PRKDC: variants seen among roughly 807,000 people sequenced by gnomAD.
PRKDC encodes the protein DNA-dependent protein kinase catalytic subunit.
A neutral mutation model predicts 486.9 loss-of-function variants in PRKDC; 82 were observed. That is an observed-to-expected ratio of 0.17 (90% CI 0.14 to 0.20). The LOEUF (loss-of-function observed/expected upper bound fraction) is 0.20, where lower values mean the gene tolerates loss of function less well. PRKDC is among the 10% of genes least tolerant of loss of function. The pLI, the probability that PRKDC is intolerant of heterozygous loss-of-function variation, is 1.00. For synonymous variants in PRKDC, 1,895 were observed against 1,837.0 expected (o/e 1.03, Z -0.81); for missense variants, 4,504 against 5,038.2 (o/e 0.89, Z 3.21).
intron 36 of PRKDC, among the ~76,000 whole-genome samples, chr8:47,882,452 A>C (rs927678241): frequency 1.3e-5 from 2 of 152,062 alleles, no homozygotes; most frequent in Non-Finnish European, 2.9e-5. Context: ...AAATATGCAC[A>C]TATGCACAAA....
chr8:47,946,286 G>A (rs1056680230), intron 7 of PRKDC, among the ~76,000 whole-genome samples: 2 of 151,964 alleles, frequency 1.3e-5, no homozygotes, highest in Non-Finnish European at 2.9e-5. Context: ...AGCCAAGATC[G>A]TGCCACTGCA....
At chr8:47,826,577 G>A in intron 63 of PRKDC, 79 bp downstream of exon 63, 2 of 1,361,342 alleles carry the variant, frequency 1.5e-6, no homozygotes, top group Non-Finnish European at 2.0e-6. Flanking sequence ...CTCATTTTCT[G>A]CCAAATGAAG....
At chr8:47,779,136 G>A in intron 80 of PRKDC, 43 bp from the exon 81 acceptor site, 1 of 1,402,888 alleles carries the variant, frequency 7.1e-7, no homozygotes, top group Non-Finnish European at 9.8e-7. Context: ...GAAGATTTTA[G>A]CATTATGTGA....
At chr8:47,835,620 C>CAAAAAAAAA (rs71548446) in intron 58 of PRKDC, among the ~76,000 whole-genome samples, 2 of 20,476 alleles carry the variant, frequency 9.8e-5, no homozygotes, top group African/African-American at 1.7e-4. Context: ...GACTCTGTCT[C>CAAAAAAAAA]AAAAAAAAAA....
rs759269272 is a variant in PRKDC, at chr8:47,897,276, T to C, written c.3483A>G (p.Ala1161=). The C allele has an allele frequency of 6.9e-6, 11 of 1,596,468 alleles. No individual in the cohort carries two copies. The South Asian group carries it at 1.2e-4, about 18-fold the overall frequency. ...TGACCAGATCCAATAAACACAATGA[T>C]GCGGAAGGTGGAAATCCTCTGCACA... ...RRLPRGFPPS[A]SLCLLDLVKW... The change falls in exon 30 of 86, where the codon GCA becomes GCG. Residue 1161 remains alanine (A), a synonymous_variant. Transcript: ENST00000314191.
chr8:47,830,517 C>T, intron 61 of PRKDC, 88 bp downstream of exon 61: 1 of 1,532,514 alleles, frequency 6.5e-7, no homozygotes, highest in Middle Eastern at 2.4e-4. Context: ...TGCAGGACAG[C>T]CTCAGCCATG....
chr8:47,900,863 T>C (rs921214146), intron 27 of PRKDC, among the ~76,000 whole-genome samples: 1 of 147,174 alleles, frequency 6.8e-6, no homozygotes, highest in Non-Finnish European at 1.5e-5. Context: ...AAAAAAAAAA[T>C]TGTTTTTTTG....
chr8:47,906,779 A>G (rs1354814738), intron 25 of PRKDC, among the ~76,000 whole-genome samples: 1 of 151,286 alleles, frequency 6.6e-6, no homozygotes, highest in Non-Finnish European at 1.5e-5. Context: ...CTCAACAATT[A>G]AGTACTTTGA....
chr8:47,821,573 T>TA (rs1441827602), intron 65 of PRKDC, 31 bp downstream of exon 65: 2 of 1,548,948 alleles, frequency 1.3e-6, no homozygotes, highest in African/African-American at 2.7e-5. Flanking sequence ...CTAAAATAAT[T>TA]ATTTCAATCA....
At chr8:47,803,246 T>C (rs1452526564) in intron 70 of PRKDC, 60 bp downstream of exon 70, 39 of 1,474,640 alleles carry the variant, frequency 2.6e-5, no homozygotes, top group Non-Finnish European at 7.3e-6. Context: ...AAGAGGAAGA[T>C]ACACAAGACA....
intron 10 of PRKDC, among the ~76,000 whole-genome samples, chr8:47,941,434 T>A (rs779330047): frequency 3.9e-5 from 6 of 151,926 alleles, no homozygotes; most frequent in Non-Finnish European, 8.8e-5. Context: ...TCACACAGCA[T>A]CCCTGGAAGC....
chr8:47,906,202 C>T (rs1448892960), intron 25 of PRKDC, among the ~76,000 whole-genome samples: 1 of 152,116 alleles, frequency 6.6e-6, no homozygotes, highest in Admixed American at 6.5e-5. Context: ...TTTTAACTAG[C>T]TAGGCACGGT....
chr8:47,864,450 C>A, intron 41 of PRKDC, 106 bp downstream of exon 41: 1 of 1,014,422 alleles, frequency 9.9e-7, no homozygotes, highest in Admixed American at 2.5e-5. Flanking sequence ...TTATGTGGCA[C>A]ACTCCTTGAA....
At position 47,820,708 on chromosome 8, in the gene PRKDC, T is replaced by C. The variant is rs774985862; in HGVS notation, c.9336+11A>G. 30 of 1,402,434 alleles carry C rather than the reference T, an allele frequency of 2.1e-5. No homozygotes were observed. Among genetic ancestry groups the C allele is most frequent in the Non-Finnish European group, 2.4e-5 (25 of 1,034,646 alleles). 86.9% of individuals were successfully genotyped at this position (1,402,434 alleles called of 1,614,324 possible). ...TATATACAAGCATATATATATAATA[T>C]ATAGTATTACCTGCATAAAACTCTG... is the stretch of plus-strand genomic sequence containing the variant. On this transcript the variant is annotated intron_variant, in intron 66 of 85. Coordinates refer to ENST00000314191, the MANE Select transcript of PRKDC (RefSeq NM_006904.7).
At position 47,881,426 on chromosome 8, in the gene PRKDC, A is replaced by G; in HGVS notation, c.5057T>C (p.Leu1686Pro). The change falls in exon 38 of 86, where the codon CTA becomes CCA. Residue 1686 changes from leucine to proline, a missense_variant. This residue lies in a region of PRKDC where 1,969 missense variants were observed against 2,068.9 expected (regional missense o/e 0.95). Transcript: ENST00000314191. ...TATTTCACTGTTTACCTTTAAATGT[A>G]GATCCAGCTTTGTGTCAGCAAGTAG... is the stretch of plus-strand genomic sequence containing the variant. ...ISLLADTKLD[L>P]HLKGQAVTLL... The G allele has an allele frequency of 6.6e-7, 1 of 1,524,904 alleles. No individual in the cohort carries two copies. Among genetic ancestry groups the G allele is most frequent in the East Asian group, 2.3e-5 (1 of 44,314 alleles). 94.5% of individuals were successfully genotyped at this position (1,524,904 alleles called of 1,614,324 possible).
At position 47,799,385 on chromosome 8, in the gene PRKDC, G is replaced by A. The variant is rs8178224; in HGVS notation, c.10122C>T (p.Ile3374=). The stretch of plus-strand genomic sequence containing the variant: ...GGAATGCTCTCTGGTACAGACCCGC[G>A]ATCACCTGGAATTCACAGAGACCTA... The part of the protein sequence containing the change: ...GSSSEDSEKV[I]AGLYQRAFQH... Residue 3374 remains isoleucine, a synonymous_variant, in exon 72 of 86, where the codon ATC becomes ATT. Transcript: ENST00000314191. 2.9e-5 allele frequency: 44 copies of A among 1,543,768 alleles called. No homozygotes were observed. In the East Asian group the frequency reaches 3.0e-4, roughly 10 times the overall value.
At chr8:47,945,180 A>G (rs1297042866) in intron 7 of PRKDC, among the ~76,000 whole-genome samples, 2 of 151,994 alleles carry the variant, frequency 1.3e-5, no homozygotes. Context: ...TCCACAGTCC[A>G]CTCTCCTGCA....
chr8:47,949,782 A>C (rs1004074089), intron 7 of PRKDC, among the ~76,000 whole-genome samples: 3 of 152,158 alleles, frequency 2.0e-5, no homozygotes, highest in Non-Finnish European at 2.9e-5. Flanking sequence ...AGAAGACACG[A>C]AGGAAAATTA....
chr8:47,778,386 A>G (rs1259941059), intron 83 of PRKDC, 73 bp downstream of exon 83: 1 of 1,476,766 alleles, frequency 6.8e-7, no homozygotes. Context: ...AAAACTGTCT[A>G]TTTCTGGAGG....
Sources: allele counts gnomAD v4.1 joint callset (sites outside exome capture counted in the v4.1 genomes callset), GRCh38; gene constraint gnomAD v4.1.1; regional missense constraint gnomAD v4.1.1; transcripts MANE v1.5; gene names NCBI Gene and HGNC (gene_info 2026-07-23, HGNC 2026-07-21).